The following PRUNE2 variants were observed in gnomAD, a reference collection of about 807,000 sequenced individuals.
PRUNE2 encodes the protein prune homolog 2 with BCH domain, also known as protein prune homolog 2.
A neutral mutation model predicts 252.0 loss-of-function variants in PRUNE2; 164 were observed. The ratio of observed to expected loss-of-function variants is 0.65; its 90% CI spans 0.57 to 0.74. The LOEUF is 0.74. Among genes scored for constraint, PRUNE2 ranks in the 30% least tolerant of loss-of-function variants. The pLI is 0.00. For missense variants in PRUNE2, 3,495 were observed against 3,711.0 expected, an observed-to-expected ratio of 0.94 and a Z score of 1.51; for synonymous variants, 1,292 against 1,350.2, an observed-to-expected ratio of 0.96 and a Z score of 0.94.
At chr9:76,807,078 C>G (rs149335338) in intron 6 of PRUNE2, among the ~76,000 whole-genome samples, 1 of 150,990 alleles carries the variant, frequency 6.6e-6, no homozygotes, top group Non-Finnish European at 1.5e-5. Flanking sequence ...CTGTCTCTCT[C>G]TCTTAGACAG....
rs1181799519 is a variant in PRUNE2, at chr9:76,661,527, G to C, written c.8277-6025C>G. Among the ~76,000 whole-genome samples, 3 of 152,220 alleles carry C rather than the reference G, an allele frequency of 2.0e-5. No individual in the cohort carries two copies. In the East Asian group the frequency reaches 5.8e-4, roughly 29 times the overall value. ...CAAAGTGCTGGGATTACAGGCATGA[G>C]CCACTGCACCTGGCCAGCATTACAG... On this transcript the variant is annotated intron_variant, in intron 9 of 18. Transcript: ENST00000376718.
At chr9:76,872,698 G>A (rs1239229808) in intron 1 of PRUNE2, among the ~76,000 whole-genome samples, 1 of 151,002 alleles carries the variant, frequency 6.6e-6, no homozygotes, top group Non-Finnish European at 1.5e-5. Flanking sequence ...AAAACTTACA[G>A]GTAAAATGAC....
chr9:76,779,856 T>C (rs892966090), intron 6 of PRUNE2: 1 of 152,254 alleles, frequency 6.6e-6, no homozygotes, highest in African/African-American at 2.4e-5. Context: ...TATAATTGCA[T>C]TTAACATTCC....
intron 15 of PRUNE2, among the ~76,000 whole-genome samples, chr9:76,630,681 T>C (rs866925558): frequency 1.1e-4 from 16 of 152,240 alleles, no homozygotes; most frequent in African/African-American, 3.9e-4. Flanking sequence ...CCTGCCACCA[T>C]GCCTGGCTAA....
chr9:76,803,695 C>T (rs2056728454), intron 6 of PRUNE2, among the ~76,000 whole-genome samples: 1 of 152,196 alleles, frequency 6.6e-6, no homozygotes, highest in South Asian at 2.1e-4. Context: ...CCCACCTGTT[C>T]CTTCTATCCC....
Position 76,710,102 on chromosome 9 carries a change from T to G in PRUNE2, c.2172A>C (p.Glu724Asp). 6.2e-7 allele frequency: 1 copy of G among 1,613,958 alleles called. No homozygotes were observed. Among genetic ancestry groups the G allele is most frequent in the Non-Finnish European group, 8.5e-7 (1 of 1,179,890 alleles). Reference protein sequence around the residue: ...GPWESEFGQPELGSNDIQDKN... With the variant: ...GPWESEFGQPDLGSNDIQDKN... ...TGTCTTGAATATCATTGCTACCCAGTTCAGGCTGACCAAATTCAGACTCCC... is the reference window on the plus strand; with the variant it reads ...TGTCTTGAATATCATTGCTACCCAGGTCAGGCTGACCAAATTCAGACTCCC... Residue 724 changes from glutamate (E) to aspartate (D), a missense_variant, in exon 8 of 19, where the codon GAA becomes GAC. By Grantham distance (45) the Glu-to-Asp change is conservative. Coordinates refer to ENST00000376718, the MANE Select transcript of PRUNE2 (RefSeq NM_015225.3).
chr9:76,706,458 T>C lies in PRUNE2; in HGVS notation c.5816A>G (p.Gln1939Arg), dbSNP rs1363214824. The C allele has an allele frequency of 1.9e-6, 3 of 1,614,038 alleles. No individual in the cohort carries two copies. The highest frequency in any genetic ancestry group is 2.5e-6 in the Non-Finnish European group (3 of 1,179,894). Residue 1939 changes from glutamine to arginine, a missense_variant, in exon 8 of 19, where the codon CAA becomes CGA. By Grantham distance (43) the Gln-to-Arg change is conservative (BLOSUM62 1). Coordinates refer to ENST00000376718, the MANE Select transcript of PRUNE2 (RefSeq NM_015225.3). ...ATCACCAGCAGCAGACACAAAGGTTTGCTCTCTTGAGTCCTTTTCTTTAAT... is the reference window on the plus strand; with the variant it reads ...ATCACCAGCAGCAGACACAAAGGTTCGCTCTCTTGAGTCCTTTTCTTTAAT... Reference protein sequence around the residue: ...DQIKEKDSREQTFVSAAGDEL... With the variant: ...DQIKEKDSRERTFVSAAGDEL...
At chr9:76,753,812 G>T (rs1726390415) in intron 6 of PRUNE2, among the ~76,000 whole-genome samples, 1 of 152,048 alleles carries the variant, frequency 6.6e-6, no homozygotes, top group Non-Finnish European at 1.5e-5. Context: ...CAGCTACTCG[G>T]GAGGCTGAGG....
At chr9:76,789,941 A>G (rs2055394617) in intron 6 of PRUNE2, among the ~76,000 whole-genome samples, 1 of 152,194 alleles carries the variant, frequency 6.6e-6, no homozygotes, top group South Asian at 2.1e-4. Context: ...ATCCTCAGAT[A>G]AATGTGCAAC....
At chr9:76,667,528 A>G (rs1282556394) in intron 9 of PRUNE2, among the ~76,000 whole-genome samples, 1 of 117,148 alleles carries the variant, frequency 8.5e-6, no homozygotes, top group African/African-American at 3.1e-5. Context: ...AAGCTCACAA[A>G]GGGTCCCCTT....
chr9:76,905,301 G>C (rs901310994), intron 1 of PRUNE2, among the ~76,000 whole-genome samples: 8 of 152,194 alleles, frequency 5.3e-5, no homozygotes, highest in African/African-American at 1.9e-4. Flanking sequence ...GCTCCCGGGA[G>C]AACGATGATC....
At chr9:76,694,063 T>G (rs1445063254) in intron 9 of PRUNE2, among the ~76,000 whole-genome samples, 1 of 152,234 alleles carries the variant, frequency 6.6e-6, no homozygotes, top group East Asian at 1.9e-4. Flanking sequence ...AATGGGGATC[T>G]TGTCTTTAAG....
chr9:76,746,734 AAAAAAAAC>A, intron 6 of PRUNE2, among the ~76,000 whole-genome samples: 1 of 149,350 alleles, frequency 6.7e-6, no homozygotes, highest in Non-Finnish European at 1.5e-5. Context: ...AAAAAAAAAA[AAAAAAAAC>A]CCCAAAGAGC....
At chr9:76,629,000 C>T (rs537398428) in intron 16 of PRUNE2, among the ~76,000 whole-genome samples, 192 bp downstream of exon 16, 9 of 152,050 alleles carry the variant, frequency 5.9e-5, no homozygotes, top group Non-Finnish European at 1.0e-4. Context: ...AATGCCATCA[C>T]GCCTGGCTAA....
chr9:76,864,274 A>G (rs890234159), intron 1 of PRUNE2, among the ~76,000 whole-genome samples: 1 of 152,138 alleles, frequency 6.6e-6, no homozygotes, highest in African/African-American at 2.4e-5. Flanking sequence ...ATGTGGGAAC[A>G]ACAGACACTG....
intron 9 of PRUNE2, among the ~76,000 whole-genome samples, chr9:76,670,340 C>T (rs1436608152): frequency 3.3e-5 from 5 of 151,692 alleles, no homozygotes; most frequent in African/African-American, 4.8e-5. Context: ...TGCGCTTTTC[C>T]AAAGGGCTTA....
chr9:76,782,137 C>T (rs2054481671), intron 6 of PRUNE2, among the ~76,000 whole-genome samples: 3 of 152,044 alleles, frequency 2.0e-5, no homozygotes, highest in African/African-American at 7.2e-5. Context: ...TGGCATGAAC[C>T]CGGGAGGTGG....
intron 1 of PRUNE2, among the ~76,000 whole-genome samples, chr9:76,868,661 C>T (rs1157121675): frequency 6.6e-6 from 1 of 152,102 alleles, no homozygotes; most frequent in East Asian, 1.9e-4. Flanking sequence ...TATGCAATAG[C>T]AATCAGAAAA....
chr9:76,880,375 T>G (rs1265961520), intron 1 of PRUNE2, among the ~76,000 whole-genome samples: 4 of 152,238 alleles, frequency 2.6e-5, no homozygotes, highest in African/African-American at 9.6e-5. Flanking sequence ...TCTATTTTCA[T>G]GAAAATTAGA....
Sources: gnomAD v4.1 joint callset for allele counts (sites outside exome capture counted in the v4.1 genomes callset) on GRCh38, gnomAD v4.1.1 for gene constraint, MANE v1.5 for transcripts, NCBI Gene and HGNC (gene_info 2026-07-23, HGNC 2026-07-21) for gene names.